NRG3: variants seen among roughly 807,000 people sequenced by gnomAD.
NRG3 encodes pro-neuregulin-3, membrane-bound isoform.
Under a neutral mutation model 66.9 loss-of-function variants are expected in NRG3, and 31 were observed. The ratio of observed to expected loss-of-function variants is 0.46; its 90% CI spans 0.35 to 0.63. The LOEUF is 0.63. Among genes scored for constraint, NRG3 ranks in the 20% least tolerant of loss-of-function variants. The pLI, the probability that NRG3 is intolerant of heterozygous loss-of-function variation, is 0.00. For missense variants in NRG3, 910 were observed against 878.9 expected, an observed-to-expected ratio of 1.04 and a Z score of -0.45; for synonymous variants, 393 against 359.4, an observed-to-expected ratio of 1.09 and a Z score of -1.06.
intron 2 of NRG3, among the ~76,000 whole-genome samples, chr10:82,536,799 G>T (rs1259891628): frequency 6.6e-6 from 1 of 152,042 alleles, no homozygotes; most frequent in East Asian, 1.9e-4. Context: ...AGGTAACTGG[G>T]ATATTGTTTG....
intron 4 of NRG3, among the ~76,000 whole-genome samples, chr10:82,883,472 A>G (rs1842468843): frequency 6.6e-6 from 1 of 152,126 alleles, no homozygotes; most frequent in Admixed American, 6.6e-5. Context: ...ATTTGGGTAC[A>G]TTAATTTTCC....
At chr10:82,683,934 G>A (rs563098803) in intron 2 of NRG3, among the ~76,000 whole-genome samples, 4 of 152,086 alleles carry the variant, frequency 2.6e-5, no homozygotes, top group Non-Finnish European at 5.9e-5. Context: ...ATGGAAAAAA[G>A]CCCTGAGGTG....
intron 3 of NRG3, among the ~76,000 whole-genome samples, chr10:82,765,796 G>T (rs2059492329): frequency 6.6e-6 from 1 of 152,100 alleles, no homozygotes; most frequent in Non-Finnish European, 1.5e-5. Context: ...TTTGTAGACT[G>T]AATTTTAGTT....
intron 1 of NRG3, among the ~76,000 whole-genome samples, chr10:82,225,171 A>G (rs1012019174): frequency 3.9e-5 from 6 of 152,182 alleles, no homozygotes; most frequent in Admixed American, 3.3e-4. Flanking sequence ...ATTAAATGCT[A>G]ATGTGGGGAA....
chr10:81,979,583 A>T (rs1051091753), intron 1 of NRG3, among the ~76,000 whole-genome samples: 15 of 152,152 alleles, frequency 9.9e-5, no homozygotes, highest in Non-Finnish European at 1.9e-4. Context: ...ATTTTCAGCA[A>T]TGTCAAATGT....
intron 1 of NRG3, among the ~76,000 whole-genome samples, chr10:82,219,163 C>CT (rs2075822824): frequency 4.0e-5 from 6 of 150,824 alleles, no homozygotes; most frequent in Admixed American, 3.3e-4. Context: ...ATATATATGT[C>CT]AATCTAAAAA....
chr10:82,890,192 T>C (rs1843035106), intron 4 of NRG3, among the ~76,000 whole-genome samples: 1 of 151,980 alleles, frequency 6.6e-6, no homozygotes, highest in African/African-American at 2.4e-5. Context: ...TAAGTTGTTT[T>C]TCTAAAATTG....
chr10:82,742,120 C>G (rs1381334890), intron 3 of NRG3, among the ~76,000 whole-genome samples: 4 of 152,218 alleles, frequency 2.6e-5, no homozygotes, highest in Admixed American at 1.3e-4. Flanking sequence ...CTTCCTCCCT[C>G]TCTCTCGTCT....
At chr10:82,099,645 G>A (rs1416796363) in intron 1 of NRG3, among the ~76,000 whole-genome samples, 2 of 152,056 alleles carry the variant, frequency 1.3e-5, no homozygotes, top group Non-Finnish European at 1.5e-5. Context: ...AGACTCTATT[G>A]ATCAATTTTT....
chr10:82,122,137 A>G (rs2132379668), intron 1 of NRG3, among the ~76,000 whole-genome samples: 1 of 152,314 alleles, frequency 6.6e-6, no homozygotes, highest in East Asian at 1.9e-4. Flanking sequence ...GAATTCACAC[A>G]CGTATTTAGA....
At chr10:82,454,225 T>C (rs887292929) in intron 2 of NRG3, among the ~76,000 whole-genome samples, 1 of 152,202 alleles carries the variant, frequency 6.6e-6, no homozygotes. Context: ...CTCTGAGATA[T>C]GGCTCTCCCA....
chr10:82,614,796 C>T (rs2048532943), intron 2 of NRG3, among the ~76,000 whole-genome samples: 1 of 151,986 alleles, frequency 6.6e-6, no homozygotes, highest in Non-Finnish European at 1.5e-5. Context: ...AATCTTCATC[C>T]AAAACCCGTA....
chr10:82,047,270 A>G (rs1468170180), intron 1 of NRG3, among the ~76,000 whole-genome samples: 3 of 152,054 alleles, frequency 2.0e-5, no homozygotes, highest in Non-Finnish European at 4.4e-5. Flanking sequence ...ATACTCCTCG[A>G]GAAGAGCAAC....
rs765881380 is a variant in NRG3, at chr10:82,358,885, A to T, written c.953+17A>T. 3 of 1,614,058 alleles carry T rather than the reference A, an allele frequency of 1.9e-6. No individual in the cohort carries two copies. The highest frequency in any genetic ancestry group is 2.5e-6 in the Non-Finnish European group (3 of 1,179,990). ...ACACTGTCGGTAAGCCACTGAGGCC[A>T]CTGATGGAAAGGGCAGGCCCGTTGC... On this transcript the variant is annotated intron_variant, in intron 2 of 8. Transcript: ENST00000372141.
chr10:82,739,091 C>T (rs367615471), intron 3 of NRG3, among the ~76,000 whole-genome samples: 5 of 152,146 alleles, frequency 3.3e-5, no homozygotes, highest in African/African-American at 9.7e-5. Flanking sequence ...AAAACGTGTA[C>T]GAAATCATGT....
At chr10:82,968,911 G>A (rs369181726) in intron 6 of NRG3, among the ~76,000 whole-genome samples, 1 of 152,202 alleles carries the variant, frequency 6.6e-6, no homozygotes, top group Admixed American at 6.5e-5. Context: ...AAGGTGGAAA[G>A]CACGTCTTAC....
At chr10:82,595,303 A>G (rs2047208996) in intron 2 of NRG3, among the ~76,000 whole-genome samples, 1 of 152,174 alleles carries the variant, frequency 6.6e-6, no homozygotes. Context: ...ACATGCTGTG[A>G]TGAGTATATC....
intron 4 of NRG3, among the ~76,000 whole-genome samples, chr10:82,914,937 G>A (rs1430119311): frequency 6.6e-6 from 1 of 152,130 alleles, no homozygotes; most frequent in East Asian, 1.9e-4. Flanking sequence ...AACATTCTGA[G>A]TATATTTTAA....
intron 4 of NRG3, among the ~76,000 whole-genome samples, chr10:82,910,566 C>G (rs1845220713): frequency 6.6e-6 from 1 of 152,238 alleles, no homozygotes; most frequent in Non-Finnish European, 1.5e-5. Flanking sequence ...GTTTTACAAA[C>G]ATTTGTACCA....
Sources: gnomAD v4.1 joint callset for allele counts (sites outside exome capture counted in the v4.1 genomes callset) on GRCh38, gnomAD v4.1.1 for gene constraint, MANE v1.5 for transcripts, NCBI Gene and HGNC (gene_info 2026-07-23, HGNC 2026-07-21) for gene names.